NEIL2: variants seen among roughly 807,000 people sequenced by gnomAD.
NEIL2 encodes the protein nei like DNA glycosylase 2, also known as endonuclease 8-like 2.
In NEIL2, 23 loss-of-function variants were observed where a neutral mutation model predicts 22.2. The ratio of observed to expected loss-of-function variants is 1.04; its 90% CI spans 0.75 to 1.47. NEIL2 has a LOEUF of 1.47. Among genes scored for constraint, NEIL2 ranks in the 40% most tolerant of loss-of-function variants. The pLI is 0.00. For synonymous variants in NEIL2, 229 were observed against 164.8 expected (o/e 1.39, Z -2.99); for missense variants, 583 against 404.7 (o/e 1.44, Z -3.78).
rs147850029 is a variant in NEIL2, at chr8:11,779,707, C to A, written c.248C>A (p.Ala83Asp). 6.2e-7 allele frequency: 1 copy of A among 1,614,184 alleles called. No individual in the cohort carries two copies. ...CAAAAAGAAGTGCAGAAGGAAGGGG[C>A]TGCGGACCCAAAGCAGGTCGGGGAG... Reference protein sequence around the residue: ...PPQKEVQKEGAADPKQVGEPS... With the variant: ...PPQKEVQKEGDADPKQVGEPS... The change falls in exon 3 of 5, where the codon GCT becomes GAT. Residue 83 changes from alanine (A) to aspartate (D), a missense_variant. Physicochemically the swap from Ala to Asp is moderately radical, Grantham distance 126. Transcript: ENST00000284503.
chr8:11,785,699 A>G (rs1362425405), intron 4 of NEIL2, among the ~76,000 whole-genome samples: 2 of 152,218 alleles, frequency 1.3e-5, no homozygotes, highest in African/African-American at 4.8e-5. Context: ...ATTCAAGTGC[A>G]GGCAGTCAGA....
Position 11,786,541 on chromosome 8 carries a change from A to T in NEIL2, c.*268A>T, listed in dbSNP as rs1804972486. 1 of 533,710 alleles carries T rather than the reference A, an allele frequency of 1.9e-6. No homozygotes were observed. The highest frequency in any genetic ancestry group is 3.1e-5 in the Admixed American group (1 of 31,824). 33.1% of individuals were successfully genotyped at this position (533,710 alleles called of 1,614,324 possible). On this transcript the variant is annotated 3_prime_UTR_variant, in exon 5 of 5. Transcript: ENST00000284503. ...AAAAATCGTGATGATGGGTAAGGGGAAAACTTCCCGGAAGGCAATGGGGCA... is the reference window on the plus strand; with the variant it reads ...AAAAATCGTGATGATGGGTAAGGGGTAAACTTCCCGGAAGGCAATGGGGCA...
chr8:11,779,107 C>G (rs1002453709), intron 2 of NEIL2, among the ~76,000 whole-genome samples: 1 of 152,002 alleles, frequency 6.6e-6, no homozygotes, highest in African/African-American at 2.4e-5. Flanking sequence ...GTTTCAGTAT[C>G]TAATTTTTAT....
intron 4 of NEIL2, among the ~76,000 whole-genome samples, chr8:11,785,247 G>C (rs1804799576): frequency 6.6e-6 from 1 of 152,118 alleles, no homozygotes; most frequent in Non-Finnish European, 1.5e-5. Context: ...CCAGGCTGGA[G>C]TGCAGTGGCA....
At chr8:11,780,056 G>GC (rs1563259956) in intron 3 of NEIL2, 106 bp downstream of exon 3, 5 of 903,856 alleles carry the variant, frequency 5.5e-6, no homozygotes, top group Admixed American at 2.2e-5. Context: ...CGTCCAGTCT[G>GC]CCCCCCAGGG....
intron 2 of NEIL2, among the ~76,000 whole-genome samples, chr8:11,775,589 C>A (rs140581833): frequency 6.6e-6 from 1 of 152,188 alleles, no homozygotes; most frequent in Non-Finnish European, 1.5e-5. Context: ...TTGAATTTCT[C>A]CCCAGAAAAT....
At chr8:11,776,722 C>G (rs1803933537) in intron 2 of NEIL2, among the ~76,000 whole-genome samples, 1 of 152,190 alleles carries the variant, frequency 6.6e-6, no homozygotes. Flanking sequence ...CTCCCCATCT[C>G]CAGGTCACCT....
At chr8:11,772,159 T>G (rs1439075901) in intron 2 of NEIL2, among the ~76,000 whole-genome samples, 1 of 152,114 alleles carries the variant, frequency 6.6e-6, no homozygotes, top group Non-Finnish European at 1.5e-5. Flanking sequence ...GATGAGATTG[T>G]GCTACTGCAC....
chr8:11,784,878 T>G (rs1172058022), intron 4 of NEIL2, among the ~76,000 whole-genome samples: 1 of 152,192 alleles, frequency 6.6e-6, no homozygotes, highest in Non-Finnish European at 1.5e-5. Flanking sequence ...TTCATTTATT[T>G]TATTTTTTGA....
intron 2 of NEIL2, among the ~76,000 whole-genome samples, chr8:11,772,865 A>G (rs1379022220): frequency 6.6e-6 from 1 of 152,172 alleles, no homozygotes; most frequent in Non-Finnish European, 1.5e-5. Flanking sequence ...TGCCTGGCAC[A>G]TAACGGGTAC....
chr8:11,785,442 C>T (rs906031474), intron 4 of NEIL2, among the ~76,000 whole-genome samples: 3 of 150,898 alleles, frequency 2.0e-5, no homozygotes, highest in Non-Finnish European at 3.0e-5. Context: ...GTGATTCACC[C>T]GCCTCTGCCT....
chr8:11,786,443 G>C lies in NEIL2; in HGVS notation c.*170G>C. ...TTATGTTGAAGGCAGAGTTTTCATAGGGTTAGATTTTTTTTATCCTTTTCT... is the reference window on the plus strand; with the variant it reads ...TTATGTTGAAGGCAGAGTTTTCATACGGTTAGATTTTTTTTATCCTTTTCT... On this transcript the variant is annotated 3_prime_UTR_variant, in exon 5 of 5. Coordinates refer to ENST00000284503, the MANE Select transcript of NEIL2 (RefSeq NM_145043.4). 1 of 673,518 alleles carries C rather than the reference G, an allele frequency of 1.5e-6. No individual in the cohort carries two copies. The highest frequency in any genetic ancestry group is 1.7e-5 in the South Asian group (1 of 57,450). The allele number at this position is 673,518 out of a possible 1,614,324, so 41.7% of individuals were successfully genotyped here. A position where few individuals can be genotyped will look rare whatever the true frequency, so the allele number is the denominator to read the frequency against.
In NEIL2 at chr8:11,786,448, A is replaced by G. The variant is rs1319745892; in HGVS notation, c.*175A>G. ...TTGAAGGCAGAGTTTTCATAGGGTT[A>G]GATTTTTTTTATCCTTTTCTAGTTC... On this transcript the variant is annotated 3_prime_UTR_variant, in exon 5 of 5. Coordinates refer to ENST00000284503, the MANE Select transcript of NEIL2 (RefSeq NM_145043.4). 8 of 660,048 alleles carry G rather than the reference A, an allele frequency of 1.2e-5. No individual in the cohort carries two copies. Among genetic ancestry groups the G allele is most frequent in the Non-Finnish European group, 2.1e-5 (8 of 374,172 alleles). 40.9% of individuals were successfully genotyped at this position (660,048 alleles called of 1,614,324 possible).
At position 11,786,295 on chromosome 8, in the gene NEIL2, G is replaced by A. The variant is rs556221801; in HGVS notation, c.*22G>A. The A allele has an allele frequency of 1.6e-5, 25 of 1,595,124 alleles. No individual in the cohort carries two copies. The East Asian group carries it at 1.8e-4, about 12-fold the overall frequency. On this transcript the variant is annotated 3_prime_UTR_variant, in exon 5 of 5. Coordinates refer to ENST00000284503, the MANE Select transcript of NEIL2 (RefSeq NM_145043.4). ...CTAAGGAGCTGGTGGTGCTCCTCAC[G>A]GAACCTTGCCGCTTGGGGAACCTGA... is the stretch of plus-strand genomic sequence containing the variant.
intron 3 of NEIL2, among the ~76,000 whole-genome samples, chr8:11,780,700 G>A (rs1467295124): frequency 6.6e-6 from 1 of 152,140 alleles, no homozygotes. Context: ...TATAATCTAT[G>A]AATGTTGAGA....
In NEIL2 at chr8:11,779,903, A is replaced by G. The variant is rs768920809; in HGVS notation, c.444A>G (p.Arg148=). 2.5e-6 allele frequency: 4 copies of G among 1,614,166 alleles called. No homozygotes were observed. The Admixed American group carries it at 6.7e-5, about 27-fold the overall frequency. ...FGSVWVNDFS[R]AKKANKRGDW... is the part of the protein sequence containing the mutation. ...GCGTTTGGGTGAACGATTTCTCCAG[A>G]GCCAAGAAAGCCAACAAGAGGGGGG... Residue 148 remains arginine (R), a synonymous_variant, in exon 3 of 5, where the codon AGA becomes AGG. Coordinates refer to ENST00000284503, the MANE Select transcript of NEIL2 (RefSeq NM_145043.4).
In NEIL2 at chr8:11,771,585, G is replaced by C; in HGVS notation, c.138G>C (p.Gln46His). Residue 46 changes from glutamine (Q) to histidine (H), a missense_variant and splice_region_variant, in exon 2 of 5, where the codon CAG (glutamine) becomes CAC (histidine). Gln to His is a conservative substitution (Grantham distance 24). Transcript: ENST00000284503. Reference protein sequence around the residue: ...SLQSLWLQDTQVHGKKLFLRF... With the variant: ...SLQSLWLQDTHVHGKKLFLRF... Reference sequence around the variant, plus strand: ...AGTCTCTGTGGCTCCAGGACACCCAGGTGAGGTAATACTCCTCTGAAGGGT... The same window carrying C: ...AGTCTCTGTGGCTCCAGGACACCCACGTGAGGTAATACTCCTCTGAAGGGT... 6.2e-7 allele frequency: 1 copy of C among 1,613,620 alleles called. No homozygotes were observed. Among genetic ancestry groups the C allele is most frequent in the Non-Finnish European group, 8.5e-7 (1 of 1,179,752 alleles).
Position 11,786,306 on chromosome 8 carries a change from G to C in NEIL2, c.*33G>C. ...GTGGTGCTCCTCACGGAACCTTGCC[G>C]CTTGGGGAACCTGACGTCTAAGTGT... is the stretch of plus-strand genomic sequence containing the variant. On this transcript the variant is annotated 3_prime_UTR_variant, in exon 5 of 5. Transcript: ENST00000284503. 3.1e-6 allele frequency: 5 copies of C among 1,595,856 alleles called. No individual in the cohort carries two copies. The highest frequency in any genetic ancestry group is 4.3e-6 in the Non-Finnish European group (5 of 1,171,688).
At chr8:11,776,304 T>C (rs1023361093) in intron 2 of NEIL2, among the ~76,000 whole-genome samples, 1 of 152,014 alleles carries the variant, frequency 6.6e-6, no homozygotes, top group African/African-American at 2.4e-5. Context: ...AAAAAACCCA[T>C]CCCCATGATT....
Sources: gnomAD v4.1 joint callset for allele counts (sites outside exome capture counted in the v4.1 genomes callset) on GRCh38, gnomAD v4.1.1 for gene constraint, MANE v1.5 for transcripts, NCBI Gene and HGNC (gene_info 2026-07-23, HGNC 2026-07-21) for gene names.